Variants in EEF1G observed in about 807,000 individuals in gnomAD.
The protein encoded by EEF1G is elongation factor 1-gamma.
Under a neutral mutation model 58.3 loss-of-function variants are expected in EEF1G, and 14 were observed. The ratio of observed to expected loss-of-function variants is 0.24; its 90% CI spans 0.16 to 0.38. EEF1G has a LOEUF of 0.38. Ranked by LOEUF, EEF1G falls within the 10% of genes least tolerant of loss-of-function variation. The pLI, the probability that EEF1G is intolerant of heterozygous loss-of-function variation, is 1.00. For missense variants in EEF1G, 322 were observed against 550.1 expected, an observed-to-expected ratio of 0.59 and a Z score of 4.15; for synonymous variants, 180 against 206.8, an observed-to-expected ratio of 0.87 and a Z score of 1.11.
In EEF1G at chr11:62,571,166, C is replaced by T; in HGVS notation, c.379-58G>A. 4 of 1,610,934 alleles carry T rather than the reference C, an allele frequency of 2.5e-6. No homozygotes were observed. In the South Asian group the frequency reaches 4.4e-5, roughly 18 times the overall value. On this transcript the variant is annotated intron_variant, in intron 4 of 9. Coordinates refer to ENST00000329251, the MANE Select transcript of EEF1G (RefSeq NM_001404.5). ...GGTACCAATCCCTTTCCCTCACCTC[C>T]CCCATTAATAGAACTAAGAGGGCTA...
intron 7 of EEF1G, among the ~76,000 whole-genome samples, chr11:62,561,932 C>T (rs188404685): frequency 6.6e-6 from 1 of 152,276 alleles, no homozygotes; most frequent in East Asian, 1.9e-4. Flanking sequence ...AGGAGTTGAC[C>T]TGTGTTAAGC....
intron 2 of EEF1G, among the ~76,000 whole-genome samples, chr11:62,572,136 T>G (rs1277488479): frequency 1.3e-5 from 2 of 152,024 alleles, no homozygotes; most frequent in Non-Finnish European, 2.9e-5. Flanking sequence ...GATATTTGTA[T>G]GAAATCTCTG....
chr11:62,564,440 G>A (rs182957210), intron 7 of EEF1G, among the ~76,000 whole-genome samples: 1 of 149,930 alleles, frequency 6.7e-6, no homozygotes, highest in Non-Finnish European at 1.5e-5. Context: ...CTTCAACCTG[G>A]GCAACAGAGT....
chr11:62,567,545 G>T lies in EEF1G; in HGVS notation c.523-17C>A, dbSNP rs1353231864. Reference sequence around the variant, plus strand: ...CTCTAGAACCTGCCAGGACATAAGGGTGTAAACAAAGTCAGTGGAAAGGCC... The same window carrying T: ...CTCTAGAACCTGCCAGGACATAAGGTTGTAAACAAAGTCAGTGGAAAGGCC... On this transcript the variant is annotated splice_polypyrimidine_tract_variant and intron_variant, in intron 5 of 9. Transcript: ENST00000329251. The T allele has an allele frequency of 5.1e-6, 8 of 1,577,990 alleles. No homozygotes were observed. The highest frequency in any genetic ancestry group is 6.9e-6 in the Non-Finnish European group (8 of 1,163,408).
At chr11:62,561,688 A>AC (rs1209920719) in intron 7 of EEF1G, among the ~76,000 whole-genome samples, 25 of 140,512 alleles carry the variant, frequency 1.8e-4, no homozygotes, top group South Asian at 4.5e-4. Flanking sequence ...AAAACAAAAA[A>AC]AAAAAAAACA....
At chr11:62,561,372 C>G (rs1200115956) in intron 7 of EEF1G, among the ~76,000 whole-genome samples, 1 of 151,442 alleles carries the variant, frequency 6.6e-6, no homozygotes, top group Non-Finnish European at 1.5e-5. Context: ...GAGGAAGAGT[C>G]CTGTCTGGGG....
At position 62,566,826 on chromosome 11, in the gene EEF1G, G is replaced by A. The variant is rs1232834839; in HGVS notation, c.837C>T (p.Pro279=). ...ALAAEPKAKD[P]FAHLPKSTFV... ...CTTACCTCTTGGGCAGGTGAGCGAA[G>A]GGGTCCTTGGCCTTGGGCTCAGCAG... The change falls in exon 7 of 10, where the codon CCC becomes CCT. Residue 279 remains proline, a synonymous_variant. Coordinates refer to ENST00000329251, the MANE Select transcript of EEF1G (RefSeq NM_001404.5). 2.5e-6 allele frequency: 4 copies of A among 1,613,346 alleles called. No homozygotes were observed. The highest frequency in any genetic ancestry group is 1.3e-5 in the African/African-American group (1 of 74,898).
intron 7 of EEF1G, among the ~76,000 whole-genome samples, chr11:62,561,889 C>T (rs563754171): frequency 2.6e-5 from 4 of 152,274 alleles, no homozygotes; most frequent in East Asian, 1.9e-4. Flanking sequence ...ATTTACAAGA[C>T]ACTAAGGGCT....
chr11:62,564,856 A>T (rs1381272293), intron 7 of EEF1G, among the ~76,000 whole-genome samples: 2 of 151,418 alleles, frequency 1.3e-5, no homozygotes, highest in East Asian at 3.9e-4. Flanking sequence ...TCACGAGGTC[A>T]AGAGATTGAG....
chr11:62,572,967 G>C, intron 1 of EEF1G: 1 of 405,294 alleles, frequency 2.5e-6, no homozygotes, highest in Non-Finnish European at 4.4e-6. Flanking sequence ...TGACAGATTT[G>C]ACCTTCCCTA....
At chr11:62,568,296 G>A (rs1941581790) in intron 5 of EEF1G, among the ~76,000 whole-genome samples, 1 of 149,794 alleles carries the variant, frequency 6.7e-6, no homozygotes, top group African/African-American at 2.5e-5. Context: ...GCTGAGGCAG[G>A]AGACTCACTT....
chr11:62,567,627 C>G, intron 5 of EEF1G, 99 bp from the exon 6 acceptor site: 2 of 1,253,478 alleles, frequency 1.6e-6, no homozygotes, highest in Non-Finnish European at 2.1e-6. Flanking sequence ...CAGTGCTCAC[C>G]TTCTTTTCAA....
intron 6 of EEF1G, 64 bp from the exon 7 acceptor site, chr11:62,567,074 C>G (rs1016804819): frequency 1.9e-6 from 3 of 1,543,740 alleles, no homozygotes; most frequent in African/African-American, 1.4e-5. Flanking sequence ...CCTCCAAAAC[C>G]ACACAGAGCA....
intron 1 of EEF1G, 197 bp from the exon 2 acceptor site, chr11:62,572,939 C>G (rs758841607): frequency 3.0e-5 from 14 of 462,614 alleles, no homozygotes; most frequent in Non-Finnish European, 4.9e-5. Context: ...TACACACCAA[C>G]TGCTAAATAA....
At position 62,559,648 on chromosome 11, in the gene EEF1G, G is replaced by C. The variant is rs760860417; in HGVS notation, c.*31C>G. On this transcript the variant is annotated 3_prime_UTR_variant, in exon 10 of 10. Transcript: ENST00000329251. ...TGACCCCCATCTCCCTGAAGGGCAG[G>C]TGCAGGCAGCTAGGTGATGGCAAGA... 3 of 1,611,782 alleles carry C rather than the reference G, an allele frequency of 1.9e-6. No homozygotes were observed. The highest frequency in any genetic ancestry group is 1.7e-5 in the Admixed American group (1 of 59,912).
chr11:62,567,698 A>AT (rs1303723318), intron 5 of EEF1G, among the ~76,000 whole-genome samples, 170 bp from the exon 6 acceptor site: 2 of 141,954 alleles, frequency 1.4e-5, no homozygotes, highest in African/African-American at 5.1e-5. Context: ...CCATTTCTTC[A>AT]TTTTTTTCAA....
chr11:62,570,015 T>C (rs368185153), intron 5 of EEF1G, among the ~76,000 whole-genome samples: 2 of 151,652 alleles, frequency 1.3e-5, no homozygotes, highest in Non-Finnish European at 2.9e-5. Context: ...TGGTAAACAA[T>C]GAAGCCAAGG....
chr11:62,560,236 A>C (rs554830217), intron 8 of EEF1G, 43 bp from the exon 9 acceptor site: 1 of 1,613,996 alleles, frequency 6.2e-7, no homozygotes, highest in South Asian at 1.1e-5. Context: ...GAATCACAGC[A>C]CTTGCTACAC....
intron 7 of EEF1G, among the ~76,000 whole-genome samples, chr11:62,563,132 TTTA>T (rs1941517975): frequency 6.6e-6 from 1 of 151,570 alleles, no homozygotes; most frequent in African/African-American, 2.4e-5. Flanking sequence ...TCCTTTTTTT[TTTA>T]TTTTTCCTTG....
Sources: allele counts gnomAD v4.1 joint callset (sites outside exome capture counted in the v4.1 genomes callset), GRCh38; gene constraint gnomAD v4.1.1; transcripts MANE v1.5; gene names NCBI Gene and HGNC (gene_info 2026-07-23, HGNC 2026-07-21).